PDE8B: variants seen among roughly 807,000 people sequenced by gnomAD.
PDE8B encodes the protein phosphodiesterase 8B.
PDE8B carries 26 observed loss-of-function variants against 101.3 expected under a neutral mutation model. That is an observed-to-expected ratio of 0.26 (90% CI 0.19 to 0.36). The LOEUF (loss-of-function observed/expected upper bound fraction) is 0.36, where lower values mean the gene tolerates loss of function less well. Among genes scored for constraint, PDE8B ranks in the 10% least tolerant of loss-of-function variants. The pLI, the probability that PDE8B is intolerant of heterozygous loss-of-function variation, is 1.00. For missense variants in PDE8B, 810 were observed against 1,163.1 expected (o/e 0.70, Z 4.42); for synonymous variants, 424 against 429.3 (o/e 0.99, Z 0.15).
chr5:77,107,360 C>T, the PDE8B span, among the ~76,000 whole-genome samples: 1 of 152,114 alleles, frequency 6.6e-6, no homozygotes, highest in African/African-American at 2.4e-5. Flanking sequence ...TTTATACATT[C>T]ACCTTGTATC....
At chr5:77,185,302 A>G in the PDE8B span, among the ~76,000 whole-genome samples, 1 of 152,142 alleles carries the variant, frequency 6.6e-6, no homozygotes, top group Non-Finnish European at 1.5e-5. Flanking sequence ...TGGAGGCTAA[A>G]AGCCTCAGAA....
intron 2 of PDE8B, 36 bp from the exon 3 acceptor site, chr5:77,325,503 G>A (rs1240115705): frequency 6.3e-7 from 1 of 1,593,054 alleles, no homozygotes; most frequent in East Asian, 2.2e-5. Context: ...TATGGATGAT[G>A]ATTTATTTCA....
chr5:77,124,214 A>G, the PDE8B span, among the ~76,000 whole-genome samples: 15 of 152,322 alleles, frequency 9.8e-5, no homozygotes, highest in East Asian at 2.9e-3. Flanking sequence ...AAGAACAGTC[A>G]AGAGAAAAAT....
intron 1 of PDE8B, among the ~76,000 whole-genome samples, chr5:77,277,609 T>A (rs251422): frequency 0.18 from 27,784 of 152,186 alleles, 2,801 homozygotes; most frequent in Non-Finnish European, 0.23. Context: ...TTAAAATCTG[T>A]GTCCTGTTTT....
chr5:77,225,201 T>C (rs1752069737), intron 1 of PDE8B, among the ~76,000 whole-genome samples: 1 of 152,232 alleles, frequency 6.6e-6, no homozygotes, highest in South Asian at 2.1e-4. Context: ...ACAGTTCATA[T>C]GAGAAAGGCA....
At chr5:77,190,372 G>A in the PDE8B span, among the ~76,000 whole-genome samples, 1 of 152,124 alleles carries the variant, frequency 6.6e-6, no homozygotes, top group African/African-American at 2.4e-5. Flanking sequence ...TAAAGGAGAG[G>A]GGTAGATCTA....
At chr5:77,287,171 A>T (rs569545817) in intron 1 of PDE8B, among the ~76,000 whole-genome samples, 19 of 151,282 alleles carry the variant, frequency 1.3e-4, no homozygotes, top group African/African-American at 4.4e-4. Context: ...CTTTATTATT[A>T]TTTTTTTTAG....
At chr5:77,246,527 GA>G (rs1252032615) in intron 1 of PDE8B, among the ~76,000 whole-genome samples, 3 of 152,092 alleles carry the variant, frequency 2.0e-5, no homozygotes, top group Non-Finnish European at 2.9e-5. Context: ...AAAGTTAGAA[GA>G]AAAAAACATT....
intron 4 of PDE8B, among the ~76,000 whole-genome samples, chr5:77,330,613 A>G (rs1212925159): frequency 6.6e-6 from 1 of 152,214 alleles, no homozygotes; most frequent in East Asian, 1.9e-4. Context: ...GCCACAAGTC[A>G]GCACTGGGAC....
At chr5:77,185,017 T>C in the PDE8B span, among the ~76,000 whole-genome samples, 2 of 152,186 alleles carry the variant, frequency 1.3e-5, no homozygotes, top group Non-Finnish European at 2.9e-5. Context: ...GATGGTCCTA[T>C]GGCAGGGGAG....
intron 1 of PDE8B, among the ~76,000 whole-genome samples, chr5:77,283,355 A>T (rs1765390996): frequency 6.6e-6 from 1 of 152,172 alleles, no homozygotes; most frequent in Non-Finnish European, 1.5e-5. Context: ...ATAATCATCC[A>T]GAGTCCATAG....
At chr5:77,284,705 C>T (rs1765653874) in intron 1 of PDE8B, among the ~76,000 whole-genome samples, 2 of 152,056 alleles carry the variant, frequency 1.3e-5, no homozygotes, top group Admixed American at 6.5e-5. Context: ...TGTTTTTGAA[C>T]GTTAAGTAAA....
chr5:77,129,908 T>G, the PDE8B span, among the ~76,000 whole-genome samples: 1 of 152,284 alleles, frequency 6.6e-6, no homozygotes, highest in East Asian at 1.9e-4. Context: ...AAAAATTGGT[T>G]TGAAATTGAA....
intron 10 of PDE8B, chr5:77,358,475 G>A (rs530223527): frequency 2.6e-5 from 26 of 982,238 alleles, no homozygotes; most frequent in African/African-American, 7.0e-5. Context: ...GCCTTAGGGC[G>A]GGGACTGTGG....
At chr5:77,370,042 C>T (rs1270304831) in intron 10 of PDE8B, among the ~76,000 whole-genome samples, 1 of 152,062 alleles carries the variant, frequency 6.6e-6, no homozygotes, top group Non-Finnish European at 1.5e-5. Context: ...AATATACATC[C>T]CTCTGTACAT....
chr5:77,296,582 T>C (rs1453641912), intron 1 of PDE8B, among the ~76,000 whole-genome samples: 1 of 152,114 alleles, frequency 6.6e-6, no homozygotes, highest in Non-Finnish European at 1.5e-5. Context: ...CAGAAGTCAG[T>C]GACTCCTGGA....
At chr5:77,372,485 A>G (rs1193254555) in intron 10 of PDE8B, among the ~76,000 whole-genome samples, 1 of 152,232 alleles carries the variant, frequency 6.6e-6, no homozygotes, top group Non-Finnish European at 1.5e-5. Flanking sequence ...GAACAAGTTT[A>G]TATAAGACAG....
At chr5:77,117,987 T>C in the PDE8B span, among the ~76,000 whole-genome samples, 1 of 152,084 alleles carries the variant, frequency 6.6e-6, no homozygotes, top group Non-Finnish European at 1.5e-5. Flanking sequence ...TAGGCTGGAG[T>C]GCAGTGGTGC....
intron 1 of PDE8B, 123 bp from the exon 2 acceptor site, chr5:77,311,871 C>T: frequency 1.2e-6 from 1 of 819,884 alleles, no homozygotes; most frequent in Non-Finnish European, 2.2e-6. Context: ...ATCTCCAGTT[C>T]AGTAAGCTGG....
Sources: allele counts gnomAD v4.1 joint callset (sites outside exome capture counted in the v4.1 genomes callset), GRCh38; gene constraint gnomAD v4.1.1; transcripts MANE v1.5; gene names NCBI Gene and HGNC (gene_info 2026-07-23, HGNC 2026-07-21).